Variants in MAF observed in about 807,000 individuals in gnomAD.
The protein encoded by MAF is transcription factor Maf.
A neutral mutation model predicts 22.0 loss-of-function variants in MAF; 10 were observed. The observed-to-expected ratio is 0.45, with a 90% CI of 0.28 to 0.77. MAF has a LOEUF of 0.77. Among genes scored for constraint, MAF ranks in the 30% least tolerant of loss-of-function variants. The pLI is 0.12. For missense variants in MAF, 544 were observed against 548.4 expected (o/e 0.99, Z 0.08); for synonymous variants, 337 against 255.8 (o/e 1.32, Z -3.03).
At chr16:79,489,057 C>A in the MAF span, among the ~76,000 whole-genome samples, 1 of 152,118 alleles carries the variant, frequency 6.6e-6, no homozygotes, top group African/African-American at 2.4e-5. Flanking sequence ...ACTAGAGAAA[C>A]GTGGCAACTA....
chr16:79,314,655 G>A, the MAF span, among the ~76,000 whole-genome samples: 4 of 152,208 alleles, frequency 2.6e-5, no homozygotes, highest in African/African-American at 4.8e-5. Flanking sequence ...AGCAAATGCC[G>A]GCTGGTTCCC....
At chr16:79,269,196 A>T in the MAF span, among the ~76,000 whole-genome samples, 6 of 152,154 alleles carry the variant, frequency 3.9e-5, no homozygotes, top group African/African-American at 1.4e-4. Flanking sequence ...TCAGAGTCCA[A>T]CGTGGAATGG....
At chr16:79,242,467 A>G in the MAF span, among the ~76,000 whole-genome samples, 1 of 152,024 alleles carries the variant, frequency 6.6e-6, no homozygotes, top group African/African-American at 2.4e-5. Flanking sequence ...AGGACATTAC[A>G]TAATACTAAA....
the MAF span, among the ~76,000 whole-genome samples, chr16:79,359,215 T>C: frequency 1.3e-5 from 2 of 152,174 alleles, no homozygotes; most frequent in African/African-American, 4.8e-5. Context: ...TTTTACGCCA[T>C]CACTTTCTTT....
At chr16:79,225,513 A>T in the MAF span, among the ~76,000 whole-genome samples, 46 of 152,356 alleles carry the variant, frequency 3.0e-4, no homozygotes, top group African/African-American at 9.4e-4. Flanking sequence ...AACAAAAGCC[A>T]AAATTGAGAA....
chr16:79,308,624 A>G, the MAF span, among the ~76,000 whole-genome samples: 4 of 152,328 alleles, frequency 2.6e-5, no homozygotes, highest in African/African-American at 7.2e-5. Flanking sequence ...CAACATCTCA[A>G]AATATTGAAG....
At chr16:79,348,506 A>G in the MAF span, among the ~76,000 whole-genome samples, 1 of 152,232 alleles carries the variant, frequency 6.6e-6, no homozygotes, top group Non-Finnish European at 1.5e-5. Flanking sequence ...TGTAACATCT[A>G]TCTCGCAATA....
the MAF span, among the ~76,000 whole-genome samples, chr16:79,436,658 G>T: frequency 6.6e-6 from 1 of 152,182 alleles, no homozygotes; most frequent in South Asian, 2.1e-4. Context: ...AGGGCTTGTT[G>T]GTTGCAAAGA....
At chr16:79,500,923 T>C in the MAF span, among the ~76,000 whole-genome samples, 7 of 152,090 alleles carry the variant, frequency 4.6e-5, no homozygotes, top group Admixed American at 1.3e-4. Flanking sequence ...TTAGGGAAAA[T>C]TCACCGCCAT....
chr16:79,223,324 G>C, the MAF span, among the ~76,000 whole-genome samples: 1 of 152,158 alleles, frequency 6.6e-6, no homozygotes, highest in Non-Finnish European at 1.5e-5. Context: ...TGAGAACAAA[G>C]ACACAATGTA....
intron 1 of MAF, 123 bp from the exon 2 acceptor site, chr16:79,594,676 A>G (rs1913406548): frequency 2.2e-5 from 33 of 1,505,156 alleles, no homozygotes; most frequent in Non-Finnish European, 2.7e-5. Flanking sequence ...TATTGTAATG[A>G]ATGGCACTTA....
the MAF span, among the ~76,000 whole-genome samples, chr16:79,339,967 G>A: frequency 1.3e-5 from 2 of 152,228 alleles, no homozygotes; most frequent in Admixed American, 6.5e-5. Context: ...TCTACTCACC[G>A]TCCTGGCAAA....
At chr16:79,316,455 A>G in the MAF span, among the ~76,000 whole-genome samples, 1 of 152,090 alleles carries the variant, frequency 6.6e-6, no homozygotes, top group Non-Finnish European at 1.5e-5. Flanking sequence ...CAACATTTGC[A>G]TCATGTGTTT....
chr16:79,478,533 C>T, the MAF span, among the ~76,000 whole-genome samples: 1 of 152,128 alleles, frequency 6.6e-6, no homozygotes. Flanking sequence ...GCTGGGACCC[C>T]TGTGAGAGTC....
At chr16:79,575,545 C>G in the MAF span, among the ~76,000 whole-genome samples, 3 of 152,162 alleles carry the variant, frequency 2.0e-5, no homozygotes, top group African/African-American at 7.2e-5. Context: ...TAGCCAACCT[C>G]TGCTGAGGGT....
the MAF span, among the ~76,000 whole-genome samples, chr16:79,263,629 G>A: frequency 2.0e-5 from 3 of 152,164 alleles, no homozygotes; most frequent in Admixed American, 6.5e-5. Context: ...AAGTGTCTTT[G>A]CTAATTTTGA....
At chr16:79,522,047 T>G in the MAF span, among the ~76,000 whole-genome samples, 116 of 151,872 alleles carry the variant, frequency 7.6e-4, 1 homozygote, top group Middle Eastern at 0.014. Flanking sequence ...CAGCTCAGAG[T>G]GTAGCAAGCA....
chr16:79,260,019 G>A, the MAF span, among the ~76,000 whole-genome samples: 1 of 152,240 alleles, frequency 6.6e-6, no homozygotes, highest in Non-Finnish European at 1.5e-5. Context: ...GTGAGCCCCA[G>A]CTAAGAGAGT....
the MAF span, among the ~76,000 whole-genome samples, chr16:79,503,780 C>A: frequency 6.6e-6 from 1 of 152,156 alleles, no homozygotes; most frequent in Non-Finnish European, 1.5e-5. Flanking sequence ...ATTGCTTGGT[C>A]CGTGTTTCTG....
Sources: gnomAD v4.1 joint callset for allele counts (sites outside exome capture counted in the v4.1 genomes callset) on GRCh38, gnomAD v4.1.1 for gene constraint, MANE v1.5 for transcripts, NCBI Gene and HGNC (gene_info 2026-07-23, HGNC 2026-07-21) for gene names.